COX7B2: variants seen among roughly 807,000 people sequenced by gnomAD.
COX7B2 encodes cytochrome c oxidase subunit 7B2, mitochondrial.
For missense variants in COX7B2, 109 were observed against 95.9 expected (o/e 1.14, Z -0.57); for synonymous variants, 37 against 32.1 (o/e 1.15, Z -0.51).
chr4:46,762,490 A>G (rs1194882229), intron 2 of COX7B2, among the ~76,000 whole-genome samples: 1 of 140,978 alleles, frequency 7.1e-6, no homozygotes, highest in Non-Finnish European at 1.5e-5. Flanking sequence ...TATATATTGT[A>G]AATATATAGT....
intron 1 of COX7B2, among the ~76,000 whole-genome samples, chr4:46,868,463 T>C (rs528323752): frequency 1.7e-3 from 259 of 152,310 alleles, no homozygotes; most frequent in Non-Finnish European, 2.7e-3. Context: ...GTGAAGTTAA[T>C]ATTGTTAATC....
chr4:46,780,242 C>T (rs867985151), intron 2 of COX7B2, among the ~76,000 whole-genome samples: 3 of 152,170 alleles, frequency 2.0e-5, no homozygotes, highest in South Asian at 4.1e-4. Flanking sequence ...GCTGGCCGGG[C>T]ACGGTGGCTC....
Position 46,852,312 on chromosome 4 carries a change from C to A in COX7B2, c.-104-7298G>T, listed in dbSNP as rs368761596. Among the ~76,000 whole-genome samples, 4 of 152,138 alleles carry A rather than the reference C, an allele frequency of 2.6e-5. No individual in the cohort carries two copies. The South Asian group carries it at 8.3e-4, about 32-fold the overall frequency. On this transcript the variant is annotated intron_variant, in intron 1 of 2. Transcript: ENST00000355591. The stretch of plus-strand genomic sequence containing the variant: ...TTGTCTCCTATGCTCTTGTGACAAA[C>A]CACTTTTTTCTTTTCTCATTTCGCA...
At chr4:46,763,833 T>TGAAACG (rs1716367388) in intron 2 of COX7B2, among the ~76,000 whole-genome samples, 1 of 152,164 alleles carries the variant, frequency 6.6e-6, no homozygotes. Context: ...ACACATACTT[T>TGAAACG]GAAACGGACA....
chr4:46,880,653 CTAG>C (rs951891965), intron 1 of COX7B2, among the ~76,000 whole-genome samples: 4 of 151,200 alleles, frequency 2.6e-5, no homozygotes, highest in Admixed American at 1.3e-4. Context: ...TTCATCATTT[CTAG>C]TTGTGTTTAT....
In COX7B2 at chr4:46,754,724, G is replaced by GTATATATATATATATATATATA. The variant is rs776374967; in HGVS notation, c.-49-19484_-49-19483insTATATATATATATATATATATA. Among the ~76,000 whole-genome samples, 52 of 46,796 alleles carry GTATATATATATATATATATATA rather than the reference G, an allele frequency of 1.1e-3. 1 individual carries two copies. The highest frequency in any genetic ancestry group is 3.3e-3 in the African/African-American group (37 of 11,342). The allele number at this position is 46,796 out of a possible 152,430, so 30.7% of individuals were successfully genotyped here. ...TGTGTGTGTGTGTGTGTGTGTGTGT[G>GTATATATATATATATATATATA]TGTGTATATATATATATATATATAT... is the stretch of plus-strand genomic sequence containing the variant. On this transcript the variant is annotated intron_variant, in intron 2 of 2. Coordinates refer to ENST00000355591, the MANE Select transcript of COX7B2 (RefSeq NM_130902.3).
At chr4:46,833,841 A>G (rs1715330710) in intron 2 of COX7B2, among the ~76,000 whole-genome samples, 1 of 152,204 alleles carries the variant, frequency 6.6e-6, no homozygotes. Flanking sequence ...GAATGAAGAT[A>G]TGGTGGGTTG....
chr4:46,873,780 C>T (rs766676717), intron 1 of COX7B2, among the ~76,000 whole-genome samples: 18 of 152,114 alleles, frequency 1.2e-4, no homozygotes, highest in Non-Finnish European at 2.4e-4. Context: ...GTTAACTCAA[C>T]ATTTACATTA....
At chr4:46,737,140 C>T (rs1469592040) in intron 2 of COX7B2, among the ~76,000 whole-genome samples, 1 of 152,072 alleles carries the variant, frequency 6.6e-6, no homozygotes, top group Non-Finnish European at 1.5e-5. Flanking sequence ...TGGATTTGGG[C>T]CATTCTAATC....
chr4:46,781,105 T>C (rs995395879), intron 2 of COX7B2, among the ~76,000 whole-genome samples: 9 of 152,304 alleles, frequency 5.9e-5, no homozygotes, highest in African/African-American at 1.9e-4. Context: ...GCTTTGATCA[T>C]ATGTACCAAC....
intron 2 of COX7B2, among the ~76,000 whole-genome samples, chr4:46,820,463 C>T (rs1247454014): frequency 1.3e-5 from 2 of 152,152 alleles, no homozygotes; most frequent in Non-Finnish European, 2.9e-5. Flanking sequence ...AGGCCATGGG[C>T]TGGTACCGGT....
At chr4:46,871,861 A>C (rs145680640) in intron 1 of COX7B2, among the ~76,000 whole-genome samples, 2,067 of 152,336 alleles carry the variant, frequency 0.014, 42 homozygotes, top group African/African-American at 0.047. Flanking sequence ...GAACACTTAT[A>C]CACTGTTGGT....
At chr4:46,770,693 C>T (rs1253236629) in intron 2 of COX7B2, among the ~76,000 whole-genome samples, 2 of 151,892 alleles carry the variant, frequency 1.3e-5, no homozygotes, top group Admixed American at 1.3e-4. Context: ...GTCAATTGAT[C>T]TCCAACAAAA....
chr4:46,780,764 T>A (rs1034262070), intron 2 of COX7B2, among the ~76,000 whole-genome samples: 10 of 152,230 alleles, frequency 6.6e-5, no homozygotes, highest in African/African-American at 2.2e-4. Context: ...CTATTTTTAA[T>A]CTATTTGAAC....
intron 2 of COX7B2, among the ~76,000 whole-genome samples, chr4:46,786,216 C>T (rs1458252750): frequency 1.3e-5 from 2 of 152,168 alleles, no homozygotes; most frequent in Non-Finnish European, 1.5e-5. Flanking sequence ...GCCATTCCTG[C>T]TCTTTATAAT....
At chr4:46,860,830 TC>T (rs1717293996) in intron 1 of COX7B2, among the ~76,000 whole-genome samples, 1 of 152,070 alleles carries the variant, frequency 6.6e-6, no homozygotes, top group African/African-American at 2.4e-5. Context: ...TTGTGAGAGG[TC>T]CCCTGTTGTG....
intron 2 of COX7B2, among the ~76,000 whole-genome samples, chr4:46,798,376 A>G (rs894225774): frequency 2.0e-5 from 3 of 152,196 alleles, no homozygotes; most frequent in Non-Finnish European, 4.4e-5. Flanking sequence ...AAAAGCTTGT[A>G]GCATTGAGTG....
intron 2 of COX7B2, among the ~76,000 whole-genome samples, chr4:46,818,636 C>CA (rs35687430): frequency 0.052 from 5,713 of 110,662 alleles, 209 homozygotes; most frequent in African/African-American, 0.12. Context: ...GACTCTGTCT[C>CA]AAAAAAAAAA....
chr4:46,873,729 G>T (rs1387067447), intron 1 of COX7B2, among the ~76,000 whole-genome samples: 1 of 152,046 alleles, frequency 6.6e-6, no homozygotes, highest in Non-Finnish European at 1.5e-5. Context: ...GTGCAGGTTT[G>T]TTACATATGT....
Sources: allele counts gnomAD v4.1 joint callset (sites outside exome capture counted in the v4.1 genomes callset), GRCh38; gene constraint gnomAD v4.1.1; transcripts MANE v1.5; gene names NCBI Gene and HGNC (gene_info 2026-07-23, HGNC 2026-07-21).